The following LRCH1 variants were observed in gnomAD, a reference collection of about 807,000 sequenced individuals.
LRCH1 encodes the protein leucine-rich repeat and calponin homology domain-containing protein 1.
A neutral mutation model predicts 94.9 loss-of-function variants in LRCH1; 23 were observed. That is an observed-to-expected ratio of 0.24 (90% CI 0.17 to 0.34). The LOEUF (loss-of-function observed/expected upper bound fraction) is 0.34. Ranked by LOEUF, LRCH1 falls within the 10% of genes least tolerant of loss-of-function variation. The pLI is 1.00. For missense variants in LRCH1, 790 were observed against 945.9 expected (o/e 0.84, Z 2.16); for synonymous variants, 364 against 354.9 (o/e 1.03, Z -0.29).
chr13:46,715,869 T>C (rs1370725145), intron 16 of LRCH1, among the ~76,000 whole-genome samples: 1 of 152,114 alleles, frequency 6.6e-6, no homozygotes, highest in African/African-American at 2.4e-5. Flanking sequence ...TTAATTAACT[T>C]GACTATTCTG....
chr13:46,645,212 G>A (rs767890166), intron 1 of LRCH1, among the ~76,000 whole-genome samples: 76 of 152,230 alleles, frequency 5.0e-4, no homozygotes, highest in Non-Finnish European at 9.7e-4. Context: ...TGTTATTAAT[G>A]ATGCCATTAG....
At chr13:46,722,282 C>T (rs1291491537) in intron 16 of LRCH1, among the ~76,000 whole-genome samples, 1 of 152,096 alleles carries the variant, frequency 6.6e-6, no homozygotes, top group Non-Finnish European at 1.5e-5. Flanking sequence ...CTACCTCAAT[C>T]TGAAAGTCTG....
At chr13:46,697,875 TGAAAAAAAGA>T (rs66740661) in intron 9 of LRCH1, among the ~76,000 whole-genome samples, 87,108 of 151,492 alleles carry the variant, frequency 0.58, 25,918 homozygotes, top group East Asian at 0.78. Context: ...TTTTGCCTAA[TGAAAAAAAGA>T]GACATTTTAT....
At chr13:46,708,300 A>G (rs1394747593) in intron 13 of LRCH1, among the ~76,000 whole-genome samples, 11 of 120,006 alleles carry the variant, frequency 9.2e-5, no homozygotes, top group Non-Finnish European at 1.7e-4. Context: ...TTTTTGAGGC[A>G]GAGTCTCGCT....
intron 1 of LRCH1, among the ~76,000 whole-genome samples, chr13:46,641,645 T>C (rs2051158971): frequency 1.3e-5 from 2 of 152,164 alleles, no homozygotes; most frequent in Admixed American, 6.5e-5. Flanking sequence ...TTCCCAGCTG[T>C]CCTGGTCTGT....
chr13:46,685,538 C>T (rs1015497533), intron 4 of LRCH1, among the ~76,000 whole-genome samples: 5 of 151,956 alleles, frequency 3.3e-5, no homozygotes, highest in Admixed American at 6.6e-5. Flanking sequence ...CATGGGCTAG[C>T]GAGTGCTACT....
intron 1 of LRCH1, among the ~76,000 whole-genome samples, chr13:46,576,601 C>T (rs1441499408): frequency 2.0e-5 from 3 of 152,178 alleles, no homozygotes; most frequent in Non-Finnish European, 4.4e-5. Flanking sequence ...TATTGGAGAG[C>T]CATGCCTCTT....
chr13:46,744,850 G>A lies in LRCH1; in HGVS notation c.*3002G>A. On this transcript the variant is annotated 3_prime_UTR_variant, in exon 20 of 20. Transcript: ENST00000389797. ...AGGAGACTTGATTTTTAAAAATTAG[G>A]CTTCGTATTTCAAAATTAGTTCTCA... 8 of 983,926 alleles carry A rather than the reference G, an allele frequency of 8.1e-6. No individual in the cohort carries two copies. Among genetic ancestry groups the A allele is most frequent in the Non-Finnish European group, 9.7e-6 (8 of 828,710 alleles). The allele number at this position is 983,926 out of a possible 1,614,324, so 60.9% of individuals were successfully genotyped here.
chr13:46,553,939 G>C (rs976347278), intron 1 of LRCH1, among the ~76,000 whole-genome samples: 1 of 152,224 alleles, frequency 6.6e-6, no homozygotes, highest in Non-Finnish European at 1.5e-5. Flanking sequence ...GGTGCGCCGG[G>C]CCTCTGCGCC....
Position 46,742,735 on chromosome 13 carries a change from G to A in LRCH1, c.*887G>A, listed in dbSNP as rs1303854576. 4.3e-5 allele frequency: 42 copies of A among 985,278 alleles called. No individual in the cohort carries two copies. The highest frequency in any genetic ancestry group is 7.0e-5 in the African/African-American group (4 of 57,220). 61.0% of individuals were successfully genotyped at this position (985,278 alleles called of 1,614,324 possible). ...AGTAACTGCCGGTCCAGAATGTGAC[G>A]GATTCGACTCTATTCATTTTCAAAT... is the stretch of plus-strand genomic sequence containing the variant. On this transcript the variant is annotated 3_prime_UTR_variant, in exon 20 of 20. Transcript: ENST00000389797.
At chr13:46,602,456 C>T (rs1472869725) in intron 1 of LRCH1, among the ~76,000 whole-genome samples, 3 of 152,144 alleles carry the variant, frequency 2.0e-5, no homozygotes, top group Non-Finnish European at 4.4e-5. Context: ...CTGCTGTTTA[C>T]TGTGTCTGTA....
intron 1 of LRCH1, among the ~76,000 whole-genome samples, chr13:46,589,888 A>G (rs746163408): frequency 2.4e-4 from 36 of 150,160 alleles, no homozygotes; most frequent in Admixed American, 5.3e-4. Flanking sequence ...AGTGTAAGCC[A>G]CTGTGCCTGG....
At chr13:46,710,503 G>T (rs17068669) in intron 13 of LRCH1, among the ~76,000 whole-genome samples, 4 of 152,200 alleles carry the variant, frequency 2.6e-5, no homozygotes, top group African/African-American at 7.2e-5. Context: ...ATTGCAAATT[G>T]CATGGCTCAT....
At position 46,734,589 on chromosome 13, in the gene LRCH1, A is replaced by G. The variant is rs574964344; in HGVS notation, c.2085+591A>G. On this transcript the variant is annotated intron_variant, in intron 19 of 19. Coordinates refer to ENST00000389797, the MANE Select transcript of LRCH1 (RefSeq NM_001164211.2). ...TGCTTTGAGCCCAATAGGCAATTCA[A>G]TTACATATAGTTTGCTATTTTTTCT... 6.2e-4 allele frequency among the ~76,000 whole-genome samples: 94 copies of G among 152,328 alleles called. 2 individuals carry two copies. The South Asian group carries it at 0.018, about 30-fold the overall frequency.
rs533486520 is a variant in LRCH1, at chr13:46,656,997, C to G, written c.452+6652C>G. ...GATCAGTGTGTATTGAAAAAAAGAA[C>G]AGAGAGACACAAAAGGGATATTATG... On this transcript the variant is annotated intron_variant, in intron 2 of 19. Coordinates refer to ENST00000389797, the MANE Select transcript of LRCH1 (RefSeq NM_001164211.2). 2.4e-4 allele frequency among the ~76,000 whole-genome samples: 36 copies of G among 152,134 alleles called. No individual in the cohort carries two copies. The Middle Eastern group carries it at 0.01, about 43-fold the overall frequency.
intron 1 of LRCH1, among the ~76,000 whole-genome samples, chr13:46,647,761 TA>T (rs2051240719): frequency 6.6e-6 from 1 of 151,996 alleles, no homozygotes; most frequent in Non-Finnish European, 1.5e-5. Context: ...ATCTAGACTT[TA>T]TTGAGATAAA....
intron 1 of LRCH1, among the ~76,000 whole-genome samples, chr13:46,644,566 T>C (rs995370805): frequency 1.3e-5 from 2 of 152,264 alleles, no homozygotes; most frequent in Admixed American, 1.3e-4. Context: ...GTGATGCCGA[T>C]CTGGGCAACT....
intron 9 of LRCH1, among the ~76,000 whole-genome samples, chr13:46,698,618 T>C (rs568695645): frequency 6.6e-6 from 1 of 152,292 alleles, no homozygotes; most frequent in South Asian, 2.1e-4. Flanking sequence ...CACACATCCC[T>C]GCTCTCACAA....
chr13:46,673,933 A>C (rs865928641), intron 3 of LRCH1, among the ~76,000 whole-genome samples: 17 of 151,904 alleles, frequency 1.1e-4, no homozygotes, highest in African/African-American at 4.1e-4. Context: ...GGCACGTACC[A>C]CTGCACCCAG....
Sources: allele counts gnomAD v4.1 joint callset (sites outside exome capture counted in the v4.1 genomes callset), GRCh38; gene constraint gnomAD v4.1.1; transcripts MANE v1.5; gene names NCBI Gene and HGNC (gene_info 2026-07-23, HGNC 2026-07-21).